Variants in ZNF143 observed in about 807,000 individuals in gnomAD.
ZNF143 encodes the protein SPH-binding factor.
Under a neutral mutation model 74.1 loss-of-function variants are expected in ZNF143, and 49 were observed. The observed-to-expected ratio is 0.66, with a 90% CI of 0.53 to 0.84. The LOEUF (loss-of-function observed/expected upper bound fraction) is 0.84. Ranked by LOEUF, ZNF143 falls within the 40% of genes least tolerant of loss-of-function variation. ZNF143 has a pLI of 0.00. For synonymous variants in ZNF143, 304 were observed against 282.8 expected, an observed-to-expected ratio of 1.07 and a Z score of -0.75; for missense variants, 637 against 793.4, an observed-to-expected ratio of 0.80 and a Z score of 2.37.
intron 9 of ZNF143, among the ~76,000 whole-genome samples, chr11:9,496,826 G>A (rs1847975473): frequency 6.6e-6 from 1 of 151,816 alleles, no homozygotes; most frequent in African/African-American, 2.4e-5. Context: ...TCAAACTCCT[G>A]GTCTCAAGTA....
At chr11:9,515,912 G>C (rs892697300) in intron 13 of ZNF143, among the ~76,000 whole-genome samples, 1 of 151,678 alleles carries the variant, frequency 6.6e-6, no homozygotes, top group Non-Finnish European at 1.5e-5. Context: ...TTGAACCCAG[G>C]AGTTTTAGAC....
chr11:9,495,287 C>G lies in ZNF143; in HGVS notation c.765+522C>G, dbSNP rs7103845. Among the ~76,000 whole-genome samples the G allele has an allele frequency of 4.6e-3, 697 of 152,126 alleles. 4 individuals carry two copies. The highest frequency in any genetic ancestry group is 6.5e-3 in the Non-Finnish European group (444 of 67,982). ...GGTGAAACCCTTTCTACTAAAAATACAAAATTAGCCGGGCGCAGTGGCAGG... is the reference window on the plus strand; with the variant it reads ...GGTGAAACCCTTTCTACTAAAAATAGAAAATTAGCCGGGCGCAGTGGCAGG... On this transcript the variant is annotated intron_variant, in intron 8 of 15. Transcript: ENST00000396602.
intron 11 of ZNF143, among the ~76,000 whole-genome samples, chr11:9,502,163 CA>C (rs1848186730): frequency 6.8e-6 from 1 of 147,830 alleles, no homozygotes; most frequent in African/African-American, 2.5e-5. Context: ...CTGAAACTCC[CA>C]ACCTCAGGTG....
intron 10 of ZNF143, among the ~76,000 whole-genome samples, chr11:9,500,777 AC>A (rs771919923): frequency 1.3e-5 from 2 of 152,128 alleles, no homozygotes; most frequent in Non-Finnish European, 2.9e-5. Context: ...TCCTGACTGT[AC>A]TTTTCTTTTA....
chr11:9,477,246 C>G (rs1439042394), intron 5 of ZNF143, among the ~76,000 whole-genome samples: 1 of 144,652 alleles, frequency 6.9e-6, no homozygotes, highest in Admixed American at 7.0e-5. Flanking sequence ...TCCCTTCCTT[C>G]CCTTCCTTCC....
chr11:9,479,843 A>C (rs1252678874), intron 7 of ZNF143, among the ~76,000 whole-genome samples: 1 of 152,190 alleles, frequency 6.6e-6, no homozygotes, highest in African/African-American at 2.4e-5. Flanking sequence ...TGACTTCCTG[A>C]CTGCCCCCAC....
intron 7 of ZNF143, among the ~76,000 whole-genome samples, chr11:9,483,183 G>A (rs1184970927): frequency 6.7e-6 from 1 of 148,508 alleles, no homozygotes; most frequent in Non-Finnish European, 1.5e-5. Flanking sequence ...TAGTAGAGAT[G>A]AGGTTTCGTC....
rs1035901945 is a variant in ZNF143 at position 9,512,440 on chromosome 11, T to G, written c.1376-8T>G. The G allele has an allele frequency of 1.9e-6, 3 of 1,609,874 alleles. No homozygotes were observed. The African/African-American group carries it at 4.0e-5, about 22-fold the overall frequency. On this transcript the variant is annotated splice_region_variant and splice_polypyrimidine_tract_variant and intron_variant, in intron 12 of 15. Coordinates refer to ENST00000396602, the MANE Select transcript of ZNF143 (RefSeq NM_003442.6). ...TGGTCAAATAAATGATTCATTTGTT[T>G]TAAACAGGTCAAGGTGAAGATGTTC...
intron 7 of ZNF143, among the ~76,000 whole-genome samples, chr11:9,488,340 G>T (rs932381502): frequency 6.6e-6 from 1 of 152,074 alleles, no homozygotes; most frequent in Non-Finnish European, 1.5e-5. Flanking sequence ...CCTTCCTTTG[G>T]CTTTCATTGT....
intron 1 of ZNF143, among the ~76,000 whole-genome samples, chr11:9,468,119 C>T (rs948153111): frequency 6.6e-6 from 1 of 152,124 alleles, no homozygotes; most frequent in African/African-American, 2.4e-5. Context: ...CCTCATATTC[C>T]CTAGTTTTGC....
chr11:9,468,809 C>T (rs1423115389), intron 1 of ZNF143, among the ~76,000 whole-genome samples: 1 of 152,040 alleles, frequency 6.6e-6, no homozygotes, highest in Non-Finnish European at 1.5e-5. Flanking sequence ...TGCAGTCCAG[C>T]CTGGGTGACA....
intron 12 of ZNF143, among the ~76,000 whole-genome samples, chr11:9,510,593 G>A (rs1322017465): frequency 6.6e-6 from 1 of 152,142 alleles, no homozygotes; most frequent in African/African-American, 2.4e-5. Context: ...ATAAATAGCT[G>A]TGGAACAGAA....
In ZNF143 at chr11:9,515,001, G is replaced by A. The variant is rs1848673801; in HGVS notation, c.1525-1200G>A. Among the ~76,000 whole-genome samples, 5 of 152,160 alleles carry A rather than the reference G, an allele frequency of 3.3e-5. No individual in the cohort carries two copies. In the South Asian group the frequency reaches 1.0e-3, roughly 32 times the overall value. ...AAATTAGCCGGGTGTGGTGGTGCAT[G>A]CCTGTAATCCCAGCTACTCGGGAGG... On this transcript the variant is annotated intron_variant, in intron 13 of 15. Coordinates refer to ENST00000396602, the MANE Select transcript of ZNF143 (RefSeq NM_003442.6).
At chr11:9,471,857 G>A (rs1856593121) in intron 2 of ZNF143, among the ~76,000 whole-genome samples, 1 of 148,136 alleles carries the variant, frequency 6.8e-6, no homozygotes, top group Admixed American at 6.7e-5. Flanking sequence ...CAGCCTCTAT[G>A]TGTATTTTTT....
At chr11:9,506,816 C>CT (rs1306672759) in intron 11 of ZNF143, among the ~76,000 whole-genome samples, 5 of 151,466 alleles carry the variant, frequency 3.3e-5, no homozygotes, top group East Asian at 1.9e-4. Flanking sequence ...TTTTCTTTTT[C>CT]TTTTTTTTTC....
At chr11:9,507,531 C>T (rs1310530628) in intron 11 of ZNF143, among the ~76,000 whole-genome samples, 1 of 152,174 alleles carries the variant, frequency 6.6e-6, no homozygotes, top group Admixed American at 6.5e-5. Context: ...CTTCCCCTCA[C>T]TCTCGCCACT....
rs771436920 is a variant in ZNF143 at position 9,479,443 on chromosome 11, C to T, written c.571-29C>T. The T allele has an allele frequency of 2.5e-6, 4 of 1,577,478 alleles. No individual in the cohort carries two copies. The South Asian group carries it at 4.6e-5, about 18-fold the overall frequency. ...CCTAAACCATTATCAAAATGTAAAACATTTTAAAGCTTTATTTTATTCCTA... is the reference window on the plus strand; with the variant it reads ...CCTAAACCATTATCAAAATGTAAAATATTTTAAAGCTTTATTTTATTCCTA... On this transcript the variant is annotated intron_variant, in intron 6 of 15. Transcript: ENST00000396602.
At position 9,527,749 on chromosome 11, in the gene ZNF143, G is replaced by A. The variant is rs933049443; in HGVS notation, c.*136G>A. 4.9e-5 allele frequency: 35 copies of A among 713,900 alleles called. No homozygotes were observed. Among genetic ancestry groups the A allele is most frequent in the Non-Finnish European group, 7.7e-5 (33 of 427,038 alleles). 44.2% of individuals were successfully genotyped at this position (713,900 alleles called of 1,614,324 possible). A position where few individuals can be genotyped will look rare whatever the true frequency, so the allele number is the denominator to read the frequency against. On this transcript the variant is annotated 3_prime_UTR_variant, in exon 16 of 16. Coordinates refer to ENST00000396602, the MANE Select transcript of ZNF143 (RefSeq NM_003442.6). ...GTACACATTTTTATGCGAGAGTGGA[G>A]AACATTTTATTCTTGACACTTTTGT...
intron 12 of ZNF143, among the ~76,000 whole-genome samples, chr11:9,509,334 C>G (rs905353496): frequency 6.6e-6 from 1 of 152,160 alleles, no homozygotes; most frequent in Non-Finnish European, 1.5e-5. Flanking sequence ...GCATGTTGGT[C>G]TTAATCGTAA....
Sources: allele counts gnomAD v4.1 joint callset (sites outside exome capture counted in the v4.1 genomes callset), GRCh38; gene constraint gnomAD v4.1.1; transcripts MANE v1.5; gene names NCBI Gene and HGNC (gene_info 2026-07-23, HGNC 2026-07-21).